CFAP299: variants seen among roughly 807,000 people sequenced by gnomAD.
CFAP299 encodes the protein cilia- and flagella-associated protein 299.
In CFAP299, 21 loss-of-function variants were observed where a neutral mutation model predicts 27.0. That is an observed-to-expected ratio of 0.78 (90% CI 0.55 to 1.12). CFAP299 has a LOEUF of 1.12. Ranked by LOEUF, CFAP299 falls within the 50% of genes most tolerant of loss-of-function variation. CFAP299 has a pLI of 0.00. For missense variants in CFAP299, 310 were observed against 276.6 expected (o/e 1.12, Z -0.86); for synonymous variants, 104 against 98.1 (o/e 1.06, Z -0.36).
At chr4:80,470,032 T>A (rs1729911377) in intron 2 of CFAP299, among the ~76,000 whole-genome samples, 1 of 152,174 alleles carries the variant, frequency 6.6e-6, no homozygotes, top group African/African-American at 2.4e-5. Flanking sequence ...TGAAGGAATG[T>A]CTTTGTGTCC....
At chr4:80,623,204 T>G (rs201716451) in intron 3 of CFAP299, among the ~76,000 whole-genome samples, 1 of 152,072 alleles carries the variant, frequency 6.6e-6, no homozygotes, top group East Asian at 1.9e-4. Context: ...GGGTATTCCT[T>G]TCACTCAAAT....
intron 3 of CFAP299, among the ~76,000 whole-genome samples, chr4:80,711,811 A>C (rs971936240): frequency 2.0e-5 from 3 of 152,182 alleles, no homozygotes; most frequent in African/African-American, 7.2e-5. Flanking sequence ...CATTCATCAA[A>C]TGAGGCAACT....
intron 2 of CFAP299, among the ~76,000 whole-genome samples, chr4:80,525,727 C>G (rs770977420): frequency 6.6e-6 from 1 of 152,134 alleles, no homozygotes. Flanking sequence ...GCCACAGGGT[C>G]TCTTTATTAA....
intron 3 of CFAP299, among the ~76,000 whole-genome samples, chr4:80,807,851 C>T (rs559126555): frequency 1.1e-3 from 169 of 151,946 alleles, no homozygotes; most frequent in African/African-American, 3.8e-3. Flanking sequence ...ACATCATAAC[C>T]CATTTCAAGG....
intron 2 of CFAP299, among the ~76,000 whole-genome samples, chr4:80,449,370 A>G (rs1379483887): frequency 6.6e-6 from 1 of 152,018 alleles, no homozygotes; most frequent in Non-Finnish European, 1.5e-5. Context: ...TTATTTATAA[A>G]TAACAGAACT....
At chr4:80,952,596 A>G (rs552243045) in intron 5 of CFAP299, among the ~76,000 whole-genome samples, 1 of 152,350 alleles carries the variant, frequency 6.6e-6, no homozygotes, top group Admixed American at 6.5e-5. Context: ...TACAGGTGCT[A>G]AAAACAAATA....
At chr4:80,918,791 A>T (rs1422386595) in intron 4 of CFAP299, among the ~76,000 whole-genome samples, 1 of 152,100 alleles carries the variant, frequency 6.6e-6, no homozygotes, top group Non-Finnish European at 1.5e-5. Flanking sequence ...GAGGGAAGAG[A>T]GGCTGATGAA....
At chr4:80,545,164 T>A (rs1734166418) in intron 2 of CFAP299, among the ~76,000 whole-genome samples, 2 of 152,020 alleles carry the variant, frequency 1.3e-5, no homozygotes, top group South Asian at 4.1e-4. Flanking sequence ...AAAAAACAGA[T>A]GCAACATAAA....
At chr4:80,961,525 A>C (rs1738343766) in intron 5 of CFAP299, among the ~76,000 whole-genome samples, 1 of 151,882 alleles carries the variant, frequency 6.6e-6, no homozygotes, top group Admixed American at 6.6e-5. Flanking sequence ...TCTATAGGCC[A>C]ATCAGAACAG....
chr4:80,907,296 C>T (rs1735230606), intron 4 of CFAP299, among the ~76,000 whole-genome samples: 1 of 152,204 alleles, frequency 6.6e-6, no homozygotes. Flanking sequence ...TTCAACAAGT[C>T]TCCAGGCAGT....
the CFAP299 span, among the ~76,000 whole-genome samples, chr4:80,323,237 G>C: frequency 6.6e-6 from 1 of 152,022 alleles, no homozygotes; most frequent in Non-Finnish European, 1.5e-5. Context: ...TGATGTCTTG[G>C]GTGCAGACCT....
intron 3 of CFAP299, among the ~76,000 whole-genome samples, chr4:80,861,444 C>T (rs1208580724): frequency 1.3e-5 from 2 of 152,226 alleles, no homozygotes. Flanking sequence ...TCTGGCACTC[C>T]CTAGTGAGAT....
At chr4:80,778,877 T>C (rs889291752) in intron 3 of CFAP299, among the ~76,000 whole-genome samples, 1 of 152,088 alleles carries the variant, frequency 6.6e-6, no homozygotes, top group African/African-American at 2.4e-5. Context: ...TTGTACTCAT[T>C]TGTGTATGTG....
intron 3 of CFAP299, among the ~76,000 whole-genome samples, chr4:80,736,445 A>G (rs1208928138): frequency 6.6e-6 from 1 of 152,158 alleles, no homozygotes; most frequent in East Asian, 1.9e-4. Flanking sequence ...ACATTCTACA[A>G]TGAACTCAAA....
At chr4:80,469,527 T>G (rs1729878963) in intron 2 of CFAP299, among the ~76,000 whole-genome samples, 1 of 152,262 alleles carries the variant, frequency 6.6e-6, no homozygotes, top group South Asian at 2.1e-4. Flanking sequence ...GAATATAATA[T>G]TAATTATTAT....
chr4:80,480,769 C>T (rs528695578), intron 2 of CFAP299, among the ~76,000 whole-genome samples: 26 of 152,000 alleles, frequency 1.7e-4, no homozygotes, highest in Middle Eastern at 6.8e-3. Context: ...TGAAAAATTC[C>T]TGAAGTTCTG....
At chr4:80,577,029 A>G (rs1005440259) in intron 2 of CFAP299, among the ~76,000 whole-genome samples, 10 of 151,902 alleles carry the variant, frequency 6.6e-5, no homozygotes, top group African/African-American at 2.4e-4. Context: ...CACTCCTCCT[A>G]CTCTCCTACA....
intron 3 of CFAP299, among the ~76,000 whole-genome samples, chr4:80,753,450 A>G (rs1725052238): frequency 6.6e-6 from 1 of 151,978 alleles, no homozygotes; most frequent in Non-Finnish European, 1.5e-5. Context: ...AGTAGTTTGT[A>G]TATGATATTG....
chr4:80,407,189 A>G (rs1162118701), intron 2 of CFAP299, among the ~76,000 whole-genome samples: 1 of 152,188 alleles, frequency 6.6e-6, no homozygotes, highest in Non-Finnish European at 1.5e-5. Flanking sequence ...AGAATACACA[A>G]TAATAAAAGC....
Sources: allele counts gnomAD v4.1 joint callset (sites outside exome capture counted in the v4.1 genomes callset), GRCh38; gene constraint gnomAD v4.1.1; transcripts MANE v1.5; gene names NCBI Gene and HGNC (gene_info 2026-07-23, HGNC 2026-07-21).